ESRRG: variants seen among roughly 807,000 people sequenced by gnomAD.
ESRRG encodes estrogen related receptor gamma, also known as estrogen-related receptor gamma.
A neutral mutation model predicts 44.0 loss-of-function variants in ESRRG; 13 were observed. The ratio of observed to expected loss-of-function variants is 0.30; its 90% CI spans 0.19 to 0.47. ESRRG has a LOEUF of 0.47. Ranked by LOEUF, ESRRG falls within the 20% of genes least tolerant of loss-of-function variation. The pLI, the probability that ESRRG is intolerant of heterozygous loss-of-function variation, is 1.00. For synonymous variants in ESRRG, 215 were observed against 214.6 expected, an observed-to-expected ratio of 1.00 and a Z score of -0.02; for missense variants, 395 against 580.6, an observed-to-expected ratio of 0.68 and a Z score of 3.29.
At chr1:216,790,782 C>G (rs574314829) in intron 2 of ESRRG, among the ~76,000 whole-genome samples, 1 of 152,078 alleles carries the variant, frequency 6.6e-6, no homozygotes, top group Non-Finnish European at 1.5e-5. Flanking sequence ...GTAGTAATTT[C>G]ATCCTCTTTA....
At chr1:216,880,729 A>G (rs899749519) in intron 2 of ESRRG, among the ~76,000 whole-genome samples, 16 of 152,176 alleles carry the variant, frequency 1.1e-4, no homozygotes, top group Non-Finnish European at 1.9e-4. Context: ...TAACAGTAAA[A>G]CACTAAATAT....
chr1:216,877,379 GT>G (rs72314566), intron 2 of ESRRG, among the ~76,000 whole-genome samples: 37 of 141,144 alleles, frequency 2.6e-4, no homozygotes, highest in East Asian at 2.1e-4. Flanking sequence ...TAGGTATGGT[GT>G]TTTTTTTTGT....
intron 1 of ESRRG, among the ~76,000 whole-genome samples, chr1:217,126,556 T>A (rs959813067): frequency 7.9e-5 from 12 of 152,146 alleles, no homozygotes; most frequent in African/African-American, 2.9e-4. Flanking sequence ...TATATGACAT[T>A]GGTCACAACA....
At chr1:216,649,408 C>T (rs1313767208) in intron 3 of ESRRG, among the ~76,000 whole-genome samples, 1 of 152,016 alleles carries the variant, frequency 6.6e-6, no homozygotes, top group Non-Finnish European at 1.5e-5. Flanking sequence ...ATCCTTCCTT[C>T]CTTCCACTTC....
At chr1:216,639,547 G>A (rs2065970321) in intron 3 of ESRRG, among the ~76,000 whole-genome samples, 1 of 152,138 alleles carries the variant, frequency 6.6e-6, no homozygotes, top group Admixed American at 6.5e-5. Flanking sequence ...CCAGGTCTAA[G>A]TAGAAACACA....
chr1:217,133,216 T>C (rs2092989981), intron 1 of ESRRG, among the ~76,000 whole-genome samples: 1 of 152,262 alleles, frequency 6.6e-6, no homozygotes. Flanking sequence ...GTCACTTTCC[T>C]AAGCGACGGA....
At position 216,720,356 on chromosome 1, in the gene ESRRG, A is replaced by G. The variant is rs1197074673; in HGVS notation, c.56+2888T>C. On this transcript the variant is annotated intron_variant, in intron 1 of 6. Coordinates refer to ENST00000408911, the MANE Select transcript of ESRRG (RefSeq NM_001438.4). ...CAACACCACATACCTTTAAGGCTGCAGGTGTTTTCAAGATTGTAGGGAAAA... is the reference window on the plus strand; with the variant it reads ...CAACACCACATACCTTTAAGGCTGCGGGTGTTTTCAAGATTGTAGGGAAAA... Among the ~76,000 whole-genome samples, 5 of 152,094 alleles carry G rather than the reference A, an allele frequency of 3.3e-5. No homozygotes were observed. In the East Asian group the frequency reaches 7.7e-4, roughly 23 times the overall value.
intron 1 of ESRRG, among the ~76,000 whole-genome samples, chr1:217,135,516 AG>A (rs2093036730): frequency 6.6e-6 from 1 of 151,608 alleles, no homozygotes; most frequent in Non-Finnish European, 1.5e-5. Flanking sequence ...GGACTGAGCA[AG>A]GGGCGCGCGC....
chr1:217,036,433 C>T (rs866696075), intron 1 of ESRRG, among the ~76,000 whole-genome samples: 1 of 152,146 alleles, frequency 6.6e-6, no homozygotes, highest in Non-Finnish European at 1.5e-5. Flanking sequence ...CAATGGTAGA[C>T]TGCATAAAGA....
chr1:216,520,832 T>C (rs1039523268), intron 5 of ESRRG, among the ~76,000 whole-genome samples: 1 of 152,240 alleles, frequency 6.6e-6, no homozygotes, highest in African/African-American at 2.4e-5. Context: ...TAGCCACTGA[T>C]GCCCAACCTT....
chr1:216,993,084 T>G (rs2075948724), intron 1 of ESRRG, among the ~76,000 whole-genome samples: 1 of 152,244 alleles, frequency 6.6e-6, no homozygotes, highest in Non-Finnish European at 1.5e-5. Context: ...CTAACTTCAT[T>G]GTTTACTCTT....
At chr1:216,679,725 T>G (rs919243914) in intron 1 of ESRRG, among the ~76,000 whole-genome samples, 1 of 151,686 alleles carries the variant, frequency 6.6e-6, no homozygotes, top group African/African-American at 2.4e-5. Flanking sequence ...TCTCTTTTCC[T>G]GTATCTTCCA....
intron 3 of ESRRG, among the ~76,000 whole-genome samples, chr1:216,627,318 T>A (rs2063348207): frequency 6.6e-6 from 1 of 152,338 alleles, no homozygotes; most frequent in East Asian, 1.9e-4. Context: ...ACCAGGTCCC[T>A]CTGCCTCTAC....
At chr1:216,590,811 T>C (rs1207230570) in intron 3 of ESRRG, among the ~76,000 whole-genome samples, 1 of 152,108 alleles carries the variant, frequency 6.6e-6, no homozygotes, top group Non-Finnish European at 1.5e-5. Context: ...TAGACTCCAA[T>C]TCAATAACTA....
intron 3 of ESRRG, among the ~76,000 whole-genome samples, chr1:216,621,946 C>G (rs1245420857): frequency 6.6e-6 from 1 of 152,184 alleles, no homozygotes; most frequent in Non-Finnish European, 1.5e-5. Context: ...GCTTACTAGA[C>G]TGCGCCTATC....
chr1:216,843,974 A>G (rs2095695568), intron 2 of ESRRG, among the ~76,000 whole-genome samples: 1 of 151,460 alleles, frequency 6.6e-6, no homozygotes, highest in African/African-American at 2.4e-5. Context: ...TATTGTCCTC[A>G]TTTTACCTCA....
intron 5 of ESRRG, among the ~76,000 whole-genome samples, chr1:216,543,480 A>G (rs1273575740): frequency 1.3e-5 from 2 of 152,018 alleles, no homozygotes; most frequent in East Asian, 3.9e-4. Flanking sequence ...ACATGGGTTT[A>G]TATCACACCA....
chr1:216,651,458 A>G (rs1458488262), intron 2 of ESRRG, among the ~76,000 whole-genome samples: 1 of 152,210 alleles, frequency 6.6e-6, no homozygotes, highest in East Asian at 1.9e-4. Context: ...TTGGATTGTC[A>G]ATCCTGGATT....
chr1:216,720,368 G>C (rs1032121310), intron 1 of ESRRG, among the ~76,000 whole-genome samples: 1 of 151,940 alleles, frequency 6.6e-6, no homozygotes, highest in African/African-American at 2.4e-5. Context: ...GTGTTTTCAA[G>C]ATTGTAGGGA....
Sources: allele counts gnomAD v4.1 joint callset (sites outside exome capture counted in the v4.1 genomes callset), GRCh38; gene constraint gnomAD v4.1.1; transcripts MANE v1.5; gene names NCBI Gene and HGNC (gene_info 2026-07-23, HGNC 2026-07-21).